Variants in ADGRL2 observed in about 807,000 individuals in gnomAD.
ADGRL2 encodes calcium-independent alpha-latrotoxin receptor 2.
Under a neutral mutation model 157.4 loss-of-function variants are expected in ADGRL2, and 44 were observed. The observed-to-expected ratio is 0.28, with a 90% CI of 0.22 to 0.36. The LOEUF is 0.36. Ranked by LOEUF, ADGRL2 falls within the 10% of genes least tolerant of loss-of-function variation. The pLI is 1.00. For missense variants in ADGRL2, 1,510 were observed against 1,768.9 expected (o/e 0.85, Z 2.63); for synonymous variants, 585 against 624.7 (o/e 0.94, Z 0.95).
At chr1:81,914,240 G>T (rs993168161) in intron 3 of ADGRL2, among the ~76,000 whole-genome samples, 3 of 151,998 alleles carry the variant, frequency 2.0e-5, no homozygotes, top group Non-Finnish European at 4.4e-5. Context: ...CTATATGAAA[G>T]ATATTTTTAT....
intron 2 of ADGRL2, among the ~76,000 whole-genome samples, chr1:81,768,234 A>C (rs550031605): frequency 1.3e-5 from 2 of 152,100 alleles, no homozygotes; most frequent in African/African-American, 4.8e-5. Context: ...TTTTGTGTAG[A>C]CAGGGGTCTC....
Position 81,485,978 on chromosome 1 carries a change from A to G in ADGRL2, c.-248+40889A>G, listed in dbSNP as rs567010842. 5.9e-5 allele frequency among the ~76,000 whole-genome samples: 9 copies of G among 152,326 alleles called. No individual in the cohort carries two copies. The East Asian group carries it at 1.7e-3, about 29-fold the overall frequency. ...AGCACTCTCCTCATGCTTTGTGTGCACTTACAACTTCAAAAGTTTTTTTTA... is the reference window on the plus strand; with the variant it reads ...AGCACTCTCCTCATGCTTTGTGTGCGCTTACAACTTCAAAAGTTTTTTTTA... On this transcript the variant is annotated intron_variant, in intron 2 of 24. Coordinates refer to the ADGRL2 transcript ENST00000370721.
At chr1:81,478,105 CAGAA>C (rs1274244622) in intron 2 of ADGRL2, among the ~76,000 whole-genome samples, 1 of 151,084 alleles carries the variant, frequency 6.6e-6, no homozygotes, top group African/African-American at 2.4e-5. Flanking sequence ...ATACTGCTTT[CAGAA>C]AGAGTCTGTG....
At chr1:81,984,410 A>T in intron 19 of ADGRL2, 173 bp from the exon 20 acceptor site, 2 of 563,618 alleles carry the variant, frequency 3.5e-6, no homozygotes, top group Non-Finnish European at 6.1e-6. Context: ...TTTTCTGATT[A>T]CTATTTCAGT....
At chr1:81,363,744 T>G (rs1280078254) in intron 1 of ADGRL2, among the ~76,000 whole-genome samples, 1 of 152,154 alleles carries the variant, frequency 6.6e-6, no homozygotes, top group African/African-American at 2.4e-5. Flanking sequence ...AAGGGAACTT[T>G]CTTAGTTGCC....
At chr1:81,467,870 T>TAACTC (rs1039586175) in intron 2 of ADGRL2, among the ~76,000 whole-genome samples, 1 of 151,668 alleles carries the variant, frequency 6.6e-6, no homozygotes, top group Non-Finnish European at 1.5e-5. Flanking sequence ...TTAAAAATGT[T>TAACTC]ATGAAGTATA....
chr1:81,733,828 G>C (rs2084806696), intron 1 of ADGRL2, among the ~76,000 whole-genome samples: 1 of 152,114 alleles, frequency 6.6e-6, no homozygotes, highest in Non-Finnish European at 1.5e-5. Context: ...CACTGGGGCT[G>C]ACTTGAAGGT....
chr1:81,641,599 T>C (rs2082220006), intron 3 of ADGRL2, among the ~76,000 whole-genome samples: 1 of 152,236 alleles, frequency 6.6e-6, no homozygotes, highest in South Asian at 2.1e-4. Context: ...AAAGAAGACA[T>C]GTCAAGAGAA....
chr1:81,587,025 C>G (rs2081041239), intron 3 of ADGRL2, among the ~76,000 whole-genome samples: 1 of 151,984 alleles, frequency 6.6e-6, no homozygotes, highest in Admixed American at 6.6e-5. Context: ...TCAAAATCGC[C>G]AACAAGAGGA....
chr1:81,423,795 GACA>G (rs1169668376), intron 1 of ADGRL2, among the ~76,000 whole-genome samples: 1 of 152,118 alleles, frequency 6.6e-6, no homozygotes, highest in African/African-American at 2.4e-5. Context: ...TTTCATCACA[GACA>G]ACATCATTCA....
rs774493758 is a variant in ADGRL2 at position 81,990,722 on chromosome 1, T to A, written c.3987T>A (p.His1329Gln). ...MHSDNPGLEL[H>Q]HKELEAPLIP... Reference sequence around the variant, plus strand: ...GCGACAACCCAGGGCTGGAGCTCCATCACAAAGAACTCGAGGCACCACTTA... The same window carrying A: ...GCGACAACCCAGGGCTGGAGCTCCAACACAAAGAACTCGAGGCACCACTTA... Residue 1329 changes from histidine to glutamine, a missense_variant, in exon 24 of 24, where the codon CAT becomes CAA. By Grantham distance (24) the His-to-Gln change is conservative. Transcript: ENST00000686636. 1.1e-5 allele frequency: 17 copies of A among 1,613,942 alleles called. No individual in the cohort carries two copies. The highest frequency in any genetic ancestry group is 1.4e-5 in the Non-Finnish European group (16 of 1,179,998).
chr1:81,766,845 A>G (rs201866055), intron 2 of ADGRL2, among the ~76,000 whole-genome samples: 122 of 59,050 alleles, frequency 2.1e-3, no homozygotes, highest in African/African-American at 8.3e-3. Flanking sequence ...AAAAAAAAAA[A>G]GGAAAAAAAA....
rs536349722 is a variant in ADGRL2 at position 81,755,568 on chromosome 1, C to T, written c.-142-6243C>T. Among the ~76,000 whole-genome samples the T allele has an allele frequency of 1.3e-3, 197 of 152,172 alleles. 2 individuals carry two copies. The highest frequency in any genetic ancestry group is 4.6e-3 in the African/African-American group (189 of 41,536). ...ACTTGTTTTCAAAAAGTCACTGAGA[C>T]CACAATTATTTTACTGAGAAACTGC... is the stretch of plus-strand genomic sequence containing the variant. On this transcript the variant is annotated intron_variant, in intron 1 of 20. Transcript: ENST00000359929.
intron 3 of ADGRL2, among the ~76,000 whole-genome samples, chr1:81,681,732 A>G (rs956548774): frequency 1.8e-4 from 28 of 152,168 alleles, no homozygotes; most frequent in African/African-American, 6.8e-4. Flanking sequence ...CACCATATGC[A>G]TAGCACCGCA....
intron 2 of ADGRL2, among the ~76,000 whole-genome samples, chr1:81,556,560 C>A (rs977644437): frequency 6.6e-6 from 1 of 151,734 alleles, no homozygotes; most frequent in Non-Finnish European, 1.5e-5. Flanking sequence ...ACAAGCAAAA[C>A]CACCATTAAA....
intron 1 of ADGRL2, among the ~76,000 whole-genome samples, chr1:81,740,376 A>G (rs918653009): frequency 2.0e-5 from 3 of 152,232 alleles, no homozygotes; most frequent in Non-Finnish European, 2.9e-5. Context: ...TAGTTTATTT[A>G]GTAGCCATGT....
chr1:81,855,370 G>T (rs2093166248), intron 2 of ADGRL2, among the ~76,000 whole-genome samples: 1 of 152,110 alleles, frequency 6.6e-6, no homozygotes, highest in African/African-American at 2.4e-5. Context: ...GAGCCTAGTA[G>T]TTCAAGGTTG....
At chr1:81,541,804 C>A (rs12569257) in intron 2 of ADGRL2, among the ~76,000 whole-genome samples, 16,513 of 123,682 alleles carry the variant, frequency 0.13, 970 homozygotes, top group South Asian at 0.17. Context: ...AAAAAAAAAA[C>A]AAAATTAGCC....
chr1:81,717,628 A>G (rs2084161265), intron 1 of ADGRL2, among the ~76,000 whole-genome samples: 1 of 152,228 alleles, frequency 6.6e-6, no homozygotes, highest in South Asian at 2.1e-4. Flanking sequence ...CTTTGTTCAC[A>G]TTCTTGCTTC....
Sources: gnomAD v4.1 joint callset for allele counts (sites outside exome capture counted in the v4.1 genomes callset) on GRCh38, gnomAD v4.1.1 for gene constraint, MANE v1.5 for transcripts, NCBI Gene and HGNC (gene_info 2026-07-23, HGNC 2026-07-21) for gene names.